MIB1: variants seen among roughly 807,000 people sequenced by gnomAD.
MIB1 encodes MIB E3 ubiquitin protein ligase 1.
Under a neutral mutation model 124.5 loss-of-function variants are expected in MIB1, and 278 were observed. The ratio of observed to expected loss-of-function variants is 2.23; its 90% CI spans 2.02 to 2.47. MIB1 has a LOEUF of 2.47. Among genes scored for constraint, MIB1 ranks in the 30% most tolerant of loss-of-function variants. MIB1 has a pLI of 0.00. For synonymous variants in MIB1, 446 were observed against 429.4 expected, an observed-to-expected ratio of 1.04 and a Z score of -0.48; for missense variants, 957 against 1,254.4, an observed-to-expected ratio of 0.76 and a Z score of 3.58.
chr18:21,819,199 G>A (rs573404620), intron 11 of MIB1, among the ~76,000 whole-genome samples: 10 of 152,152 alleles, frequency 6.6e-5, no homozygotes, highest in South Asian at 4.1e-4. Context: ...CGCCGTGCCC[G>A]GCTAATTTTT....
At chr18:21,857,285 T>C (rs748059122) in intron 19 of MIB1, 42 bp downstream of exon 19, 12 of 1,320,110 alleles carry the variant, frequency 9.1e-6, no homozygotes, top group Admixed American at 3.4e-5. Context: ...TTGCTTTTTT[T>C]TGGGACTTGC....
At position 21,864,579 on chromosome 18, in the gene MIB1, T is replaced by C. The variant is rs1409289216; in HGVS notation, c.2934T>C (p.Gly978=). 1.2e-6 allele frequency: 2 copies of C among 1,613,616 alleles called. No homozygotes were observed. The highest frequency in any genetic ancestry group is 3.3e-5 in the Admixed American group (2 of 60,000). ...DRLKNMIFLC[G]HGTCQLCGDR... is the part of the protein sequence containing the mutation. Reference sequence around the variant, plus strand: ...TGAAGAATATGATTTTCCTTTGTGGTCACGGAACCTGTCAACTCTGTGGAG... The same window carrying C: ...TGAAGAATATGATTTTCCTTTGTGGCCACGGAACCTGTCAACTCTGTGGAG... The change falls in exon 21 of 21, where the codon GGT becomes GGC. Residue 978 remains glycine, a synonymous_variant. Coordinates refer to ENST00000261537, the MANE Select transcript of MIB1 (RefSeq NM_020774.4).
At chr18:21,838,557 T>G in intron 13 of MIB1, 60 bp downstream of exon 13, 7 of 1,335,164 alleles carry the variant, frequency 5.2e-6, no homozygotes, top group East Asian at 2.5e-5. Context: ...TTTGGGACCA[T>G]TGCCATTCAT....
chr18:21,746,272 C>T (rs183551015), intron 1 of MIB1, among the ~76,000 whole-genome samples: 49 of 152,298 alleles, frequency 3.2e-4, no homozygotes, highest in Middle Eastern at 3.4e-3. Context: ...CGATTTTTCT[C>T]ACTACATTTT....
At chr18:21,744,755 G>A (rs753117210) in intron 1 of MIB1, among the ~76,000 whole-genome samples, 11 of 152,154 alleles carry the variant, frequency 7.2e-5, no homozygotes, top group African/African-American at 9.7e-5. Context: ...TTAGTGCATC[G>A]TACCAGGAGG....
intron 10 of MIB1, among the ~76,000 whole-genome samples, chr18:21,815,011 TTATATATATATATATATATATATA>T (rs60363843): frequency 0.013 from 689 of 52,654 alleles, 22 homozygotes; most frequent in African/African-American, 0.019. Flanking sequence ...GCTGTTGGTT[TTATATATATATATATATATATATA>T]TATATATATA....
chr18:21,724,359 C>A (rs927826200), intron 1 of MIB1: 1 of 151,952 alleles, frequency 6.6e-6, no homozygotes, highest in African/African-American at 2.4e-5. Context: ...AACTGAAAAT[C>A]ATAACATATA....
chr18:21,796,581 AT>A (rs1204357105), intron 7 of MIB1, among the ~76,000 whole-genome samples: 2 of 152,162 alleles, frequency 1.3e-5, no homozygotes, highest in African/African-American at 4.8e-5. Flanking sequence ...AAACAAAAAA[AT>A]GTCCCAAACA....
At chr18:21,783,982 A>G (rs1206600065) in intron 6 of MIB1, among the ~76,000 whole-genome samples, 9 of 149,568 alleles carry the variant, frequency 6.0e-5, no homozygotes, top group Non-Finnish European at 1.2e-4. Flanking sequence ...GCCTCAGGCA[A>G]TCCTCCTGCC....
intron 1 of MIB1, among the ~76,000 whole-genome samples, chr18:21,724,727 A>AAAAAAAAATAT (rs1350936232): frequency 5.8e-5 from 1 of 17,370 alleles, no homozygotes; most frequent in African/African-American, 1.8e-4. Flanking sequence ...AAAAAAAAAA[A>AAAAAAAAATAT]ATATATATAT....
intron 1 of MIB1, among the ~76,000 whole-genome samples, chr18:21,723,238 A>C (rs2040723018): frequency 6.6e-6 from 1 of 151,806 alleles, no homozygotes; most frequent in Admixed American, 6.6e-5. Flanking sequence ...GACATGCCCC[A>C]TTATTTTGTT....
At chr18:21,765,285 T>G (rs2041143755) in intron 1 of MIB1, among the ~76,000 whole-genome samples, 1 of 152,256 alleles carries the variant, frequency 6.6e-6, no homozygotes, top group Admixed American at 6.5e-5. Context: ...TTTTCCTGAC[T>G]ATGGGAAAAA....
chr18:21,721,947 A>G (rs11662591), intron 1 of MIB1, among the ~76,000 whole-genome samples: 47,841 of 151,878 alleles, frequency 0.31, 8,685 homozygotes, highest in African/African-American at 0.48. Context: ...GAATTTTACT[A>G]GTTTTCTATT....
upstream of MIB1, among the ~76,000 whole-genome samples, chr18:21,739,879 C>A (rs955059789): frequency 1.3e-5 from 2 of 151,458 alleles, no homozygotes; most frequent in Non-Finnish European, 2.9e-5. Flanking sequence ...GGCGCCACTG[C>A]ACTCCGGCCT....
intron 1 of MIB1, among the ~76,000 whole-genome samples, chr18:21,712,588 C>T (rs2040670682): frequency 6.6e-6 from 1 of 152,190 alleles, no homozygotes; most frequent in African/African-American, 2.4e-5. Flanking sequence ...CTGCAAAAAA[C>T]ACTGGTGACC....
chr18:21,855,524 T>C (rs1480911797), intron 18 of MIB1, among the ~76,000 whole-genome samples: 2 of 152,246 alleles, frequency 1.3e-5, no homozygotes, highest in Non-Finnish European at 2.9e-5. Flanking sequence ...AAATCTGCCT[T>C]CAAATTGAAG....
chr18:21,849,175 T>G (rs1261768981), intron 16 of MIB1, 21 bp from the exon 17 acceptor site: 1 of 1,451,968 alleles, frequency 6.9e-7, no homozygotes, highest in African/African-American at 1.4e-5. Context: ...AGGCTTGATT[T>G]GAAATACTTT....
intron 1 of MIB1, among the ~76,000 whole-genome samples, chr18:21,734,327 A>C (rs1378496827): frequency 6.6e-6 from 1 of 150,854 alleles, no homozygotes; most frequent in Non-Finnish European, 1.5e-5. Flanking sequence ...GGATGGTCTC[A>C]ATCTCCTGAC....
intron 1 of MIB1, among the ~76,000 whole-genome samples, chr18:21,722,387 T>C (rs758509035): frequency 1.3e-5 from 2 of 148,814 alleles, no homozygotes; most frequent in Non-Finnish European, 3.0e-5. Context: ...TATTTTTTAT[T>C]TTGAGATGGA....
Sources: allele counts gnomAD v4.1 joint callset (sites outside exome capture counted in the v4.1 genomes callset), GRCh38; gene constraint gnomAD v4.1.1; transcripts MANE v1.5; gene names NCBI Gene and HGNC (gene_info 2026-07-23, HGNC 2026-07-21).